Variants in NEMP2 observed in about 807,000 individuals in gnomAD.
NEMP2 encodes nuclear envelope integral membrane protein 2, also known as UPF0571 transmembrane protein.
NEMP2 carries 53 observed loss-of-function variants against 54.2 expected under a neutral mutation model. That is an observed-to-expected ratio of 0.98 (90% CI 0.78 to 1.23). The LOEUF is 1.23. NEMP2 is among the 50% of genes most tolerant of loss of function. NEMP2 has a pLI of 0.00. For missense variants in NEMP2, 455 were observed against 511.3 expected (o/e 0.89, Z 1.06); for synonymous variants, 197 against 190.3 (o/e 1.04, Z -0.29).
the NEMP2 span, among the ~76,000 whole-genome samples, chr2:190,480,475 A>G: frequency 6.6e-6 from 1 of 152,252 alleles, no homozygotes; most frequent in Non-Finnish European, 1.5e-5. Context: ...TGAAAATTAA[A>G]TTTAAAGCTG....
At chr2:190,569,780 G>C in the NEMP2 span, among the ~76,000 whole-genome samples, 1 of 152,322 alleles carries the variant, frequency 6.6e-6, no homozygotes, top group Admixed American at 6.5e-5. Flanking sequence ...TTACCTCTGT[G>C]TAATTCAACT....
the NEMP2 span, among the ~76,000 whole-genome samples, chr2:190,640,469 G>A: frequency 6.6e-6 from 1 of 152,166 alleles, no homozygotes; most frequent in Non-Finnish European, 1.5e-5. Context: ...GAAACTTATA[G>A]TAAGGAATGA....
the NEMP2 span, among the ~76,000 whole-genome samples, chr2:190,600,570 G>C: frequency 6.6e-6 from 1 of 152,090 alleles, no homozygotes; most frequent in Non-Finnish European, 1.5e-5. This position sits in a 1 kb window ranked among gnomAD's most constrained non-coding sequence, Gnocchi z 4.9. Context: ...CCTGGAGAAT[G>C]GATTAGTTTC....
the NEMP2 span, among the ~76,000 whole-genome samples, chr2:190,476,982 C>T: frequency 1.4e-5 from 2 of 142,294 alleles, no homozygotes; most frequent in East Asian, 2.1e-4. Context: ...CATGTTCTCA[C>T]TCATAGGTGG....
the NEMP2 span, chr2:190,489,672 C>A: frequency 1.7e-6 from 2 of 1,156,396 alleles, no homozygotes; most frequent in South Asian, 1.5e-5. The surrounding 1 kb of genome is among the most constrained non-coding windows in gnomAD (Gnocchi z 6.6). Flanking sequence ...TCAAGCTGTG[C>A]TTCCTTTGCT....
the NEMP2 span, among the ~76,000 whole-genome samples, chr2:190,592,526 C>CT: frequency 6.6e-6 from 1 of 152,140 alleles, no homozygotes; most frequent in Non-Finnish European, 1.5e-5. This position sits in a 1 kb window ranked among gnomAD's most constrained non-coding sequence, Gnocchi z 4.4. Context: ...AACAACAACA[C>CT]TTTTTGCTGG....
chr2:190,634,979 C>A, the NEMP2 span, among the ~76,000 whole-genome samples: 1 of 152,162 alleles, frequency 6.6e-6, no homozygotes, highest in South Asian at 2.1e-4. The surrounding 1 kb of genome is among the most constrained non-coding windows in gnomAD (Gnocchi z 6.8). Context: ...AATGTGTTAA[C>A]CCCCTCCATG....
chr2:190,421,718 G>C, the NEMP2 span, among the ~76,000 whole-genome samples: 1 of 144,582 alleles, frequency 6.9e-6, no homozygotes, highest in East Asian at 2.0e-4. Flanking sequence ...ACCATACCTG[G>C]CTAACTTAAA....
chr2:190,591,194 G>T, the NEMP2 span, among the ~76,000 whole-genome samples: 4 of 152,124 alleles, frequency 2.6e-5, no homozygotes, highest in African/African-American at 9.7e-5. This position sits in a 1 kb window ranked among gnomAD's most constrained non-coding sequence, Gnocchi z 5.4. Flanking sequence ...TACTTAGAGG[G>T]TCCAGGGTGT....
the NEMP2 span, among the ~76,000 whole-genome samples, chr2:190,569,564 G>A: frequency 6.6e-6 from 1 of 152,178 alleles, no homozygotes; most frequent in Non-Finnish European, 1.5e-5. Context: ...GCTCTTGGTA[G>A]ACTGAAAATA....
chr2:190,560,555 T>C, the NEMP2 span, among the ~76,000 whole-genome samples: 1 of 152,226 alleles, frequency 6.6e-6, no homozygotes, highest in Non-Finnish European at 1.5e-5. This position sits in a 1 kb window ranked among gnomAD's most constrained non-coding sequence, Gnocchi z 5.4. Context: ...GATCACCTTC[T>C]TTTAAAAACA....
the NEMP2 span, among the ~76,000 whole-genome samples, chr2:190,561,725 TCTTTTTA>T: frequency 6.6e-6 from 1 of 152,164 alleles, no homozygotes; most frequent in African/African-American, 2.4e-5. The surrounding 1 kb of genome is among the most constrained non-coding windows in gnomAD (Gnocchi z 5.4). Context: ...TATATGTCTA[TCTTTTTA>T]AAAATCAAAT....
the NEMP2 span, among the ~76,000 whole-genome samples, chr2:190,562,932 C>G: frequency 1.3e-5 from 2 of 152,110 alleles, no homozygotes; most frequent in African/African-American, 4.8e-5. This position sits in a 1 kb window ranked among gnomAD's most constrained non-coding sequence, Gnocchi z 5.0. Context: ...CACCCTAAAA[C>G]TATGTATAAG....
upstream of NEMP2, chr2:190,535,081 C>G (rs548732421): frequency 6.3e-6 from 1 of 158,486 alleles, no homozygotes; most frequent in South Asian, 2.0e-4. Flanking sequence ...CTTGGCTGAC[C>G]TGTGACCTGC....
At chr2:190,627,004 G>A in the NEMP2 span, among the ~76,000 whole-genome samples, 1 of 152,062 alleles carries the variant, frequency 6.6e-6, no homozygotes, top group Non-Finnish European at 1.5e-5. The surrounding 1 kb of genome is among the most constrained non-coding windows in gnomAD (Gnocchi z 4.4). Flanking sequence ...CTGAAAGTCT[G>A]TGAAGAGTAT....
At chr2:190,596,141 A>G in the NEMP2 span, among the ~76,000 whole-genome samples, 3 of 152,190 alleles carry the variant, frequency 2.0e-5, no homozygotes, top group African/African-American at 4.8e-5. This position sits in a 1 kb window ranked among gnomAD's most constrained non-coding sequence, Gnocchi z 5.1. Context: ...CAGCAAACTG[A>G]CACAGGACAA....
chr2:190,524,235 T>C (rs1690853313), intron 2 of NEMP2, among the ~76,000 whole-genome samples: 1 of 151,670 alleles, frequency 6.6e-6, no homozygotes, highest in Non-Finnish European at 1.5e-5. Flanking sequence ...ACAGGACAGA[T>C]ATAAAAAATC....
the NEMP2 span, among the ~76,000 whole-genome samples, chr2:190,472,554 A>C: frequency 6.6e-6 from 1 of 152,336 alleles, no homozygotes; most frequent in East Asian, 1.9e-4. Flanking sequence ...ATAAAAAGAA[A>C]CGAACAAAGC....
chr2:190,441,524 C>T, the NEMP2 span, among the ~76,000 whole-genome samples: 2 of 152,018 alleles, frequency 1.3e-5, no homozygotes, highest in Non-Finnish European at 1.5e-5. Flanking sequence ...TTTCTCTTTC[C>T]AGCTCATGCA....
Sources: allele counts gnomAD v4.1 joint callset (sites outside exome capture counted in the v4.1 genomes callset), GRCh38; gene constraint gnomAD v4.1.1; non-coding constraint Gnocchi (gnomAD v3.1); transcripts MANE v1.5; gene names NCBI Gene and HGNC (gene_info 2026-07-23, HGNC 2026-07-21).